Variants in MACROD2 observed in about 807,000 individuals in gnomAD.
MACROD2 encodes mono-ADP ribosylhydrolase 2.
A neutral mutation model predicts 70.4 loss-of-function variants in MACROD2; 36 were observed. That is an observed-to-expected ratio of 0.51 (90% CI 0.39 to 0.68). The LOEUF is 0.68. MACROD2 is among the 30% of genes least tolerant of loss of function. The pLI is 0.00. For missense variants in MACROD2, 496 were observed against 538.4 expected (o/e 0.92, Z 0.78); for synonymous variants, 172 against 178.8 (o/e 0.96, Z 0.30).
chr20:14,517,243 G>A (rs2085111641), intron 4 of MACROD2, among the ~76,000 whole-genome samples: 1 of 152,202 alleles, frequency 6.6e-6, no homozygotes, highest in African/African-American at 2.4e-5. Context: ...GCACACGTAT[G>A]TTTATTGCAG....
chr20:14,881,654 C>T (rs2073612191), intron 5 of MACROD2, among the ~76,000 whole-genome samples: 2 of 152,150 alleles, frequency 1.3e-5, no homozygotes, highest in African/African-American at 4.8e-5. Context: ...TTTGGCATCT[C>T]CTCAAGCTTG....
At chr20:15,975,467 A>G (rs1395717893) in intron 13 of MACROD2, among the ~76,000 whole-genome samples, 2 of 151,670 alleles carry the variant, frequency 1.3e-5, no homozygotes, top group Non-Finnish European at 2.9e-5. Context: ...TTTAATGGCA[A>G]AAAAAAAGTG....
chr20:14,198,386 C>G (rs1030624343), intron 3 of MACROD2, among the ~76,000 whole-genome samples: 11 of 152,116 alleles, frequency 7.2e-5, no homozygotes, highest in Non-Finnish European at 1.5e-4. Flanking sequence ...AATCTATGAG[C>G]CTTTGAAGCC....
intron 5 of MACROD2, among the ~76,000 whole-genome samples, chr20:15,061,393 C>T (rs1455691117): frequency 6.6e-6 from 1 of 152,162 alleles, no homozygotes; most frequent in African/African-American, 2.4e-5. Context: ...CAGTGGATAC[C>T]TACCCGAGTG....
intron 6 of MACROD2, among the ~76,000 whole-genome samples, chr20:15,312,028 AAAT>A (rs2077758411): frequency 6.6e-6 from 1 of 152,200 alleles, no homozygotes; most frequent in African/African-American, 2.4e-5. Flanking sequence ...CAAATAATCT[AAAT>A]AAACAAAAAA....
intron 5 of MACROD2, among the ~76,000 whole-genome samples, chr20:15,004,374 A>G (rs537168940): frequency 1.2e-4 from 19 of 152,338 alleles, no homozygotes; most frequent in African/African-American, 3.8e-4. Context: ...CAACTTCTAA[A>G]GGAAGTACTG....
chr20:14,387,982 CT>C, intron 3 of MACROD2, among the ~76,000 whole-genome samples: 1 of 148,684 alleles, frequency 6.7e-6, no homozygotes. Context: ...TTTCTTTCTA[CT>C]TTTTTTTATA....
intron 5 of MACROD2, among the ~76,000 whole-genome samples, chr20:14,883,546 T>G (rs948311598): frequency 1.3e-5 from 2 of 152,058 alleles, no homozygotes; most frequent in African/African-American, 4.8e-5. Flanking sequence ...CCATTCACAT[T>G]CCAGTTCTGA....
At chr20:14,230,655 A>ATAT (rs1569217393) in intron 3 of MACROD2, among the ~76,000 whole-genome samples, 6 of 38,046 alleles carry the variant, frequency 1.6e-4, no homozygotes, top group African/African-American at 6.2e-4. Context: ...ATATATATAT[A>ATAT]ACACAGGCTG....
chr20:15,478,332 G>A (rs1227174130), intron 7 of MACROD2, among the ~76,000 whole-genome samples: 4 of 152,164 alleles, frequency 2.6e-5, no homozygotes, highest in Non-Finnish European at 5.9e-5. Flanking sequence ...GTTCTGGCTT[G>A]TTCAAGCTGT....
chr20:15,949,176 TGTAATA>T (rs1206677071), intron 12 of MACROD2, among the ~76,000 whole-genome samples: 2 of 152,184 alleles, frequency 1.3e-5, no homozygotes, highest in Non-Finnish European at 2.9e-5. Context: ...AAAATGGAAT[TGTAATA>T]GTATTTATAT....
intron 8 of MACROD2, among the ~76,000 whole-genome samples, chr20:15,760,662 C>G (rs1212397402): frequency 2.0e-5 from 3 of 152,098 alleles, no homozygotes; most frequent in Admixed American, 6.6e-5. Flanking sequence ...ATAAAAGTAG[C>G]AATTTATGCT....
intron 5 of MACROD2, among the ~76,000 whole-genome samples, chr20:14,965,465 T>C (rs1405085643): frequency 4.6e-5 from 6 of 131,480 alleles, no homozygotes; most frequent in South Asian, 2.7e-4. Flanking sequence ...TTTTTTTTTT[T>C]TTTTTTTTTT....
intron 8 of MACROD2, among the ~76,000 whole-genome samples, chr20:15,792,958 A>G (rs1191932865): frequency 1.3e-5 from 2 of 152,200 alleles, no homozygotes; most frequent in Admixed American, 1.3e-4. Context: ...ACAACTGCTG[A>G]AAGGCTAAAT....
intron 8 of MACROD2, among the ~76,000 whole-genome samples, chr20:15,562,024 C>T (rs73100257): frequency 0.048 from 7,253 of 152,172 alleles, 235 homozygotes; most frequent in Non-Finnish European, 0.075. Flanking sequence ...CAGCCTCTCT[C>T]GTACCATTGG....
intron 5 of MACROD2, among the ~76,000 whole-genome samples, chr20:14,938,056 G>A (rs1600849692): frequency 8.0e-6 from 1 of 124,836 alleles, no homozygotes; most frequent in African/African-American, 2.9e-5. Context: ...ATGTTCAATT[G>A]CATACATATA....
In MACROD2 at chr20:15,958,379, C is replaced by T. The variant is rs142503497; in HGVS notation, c.908-9174C>T. Among the ~76,000 whole-genome samples the T allele has an allele frequency of 3.6e-3, 544 of 152,278 alleles. 2 individuals are homozygous for T. Among genetic ancestry groups the T allele is most frequent in the African/African-American group, 0.013 (523 of 41,566 alleles). On this transcript the variant is annotated intron_variant, in intron 12 of 17. Transcript: ENST00000684519. ...GCATTCTGATTAGCCAACACCCTAC[C>T]AGTTATTAAGTGTTTTGAATATCTC...
At chr20:15,017,232 A>G (rs1336598265) in intron 5 of MACROD2, among the ~76,000 whole-genome samples, 1 of 152,066 alleles carries the variant, frequency 6.6e-6, no homozygotes. Flanking sequence ...AACGGGAGAA[A>G]TTGGCCAAAA....
chr20:15,311,965 T>A (rs551625451), intron 6 of MACROD2, among the ~76,000 whole-genome samples: 132 of 151,538 alleles, frequency 8.7e-4, no homozygotes, highest in Middle Eastern at 6.8e-3. Flanking sequence ...AGTGAAATTT[T>A]AAAAAAAAAT....
Sources: allele counts gnomAD v4.1 joint callset (sites outside exome capture counted in the v4.1 genomes callset), GRCh38; gene constraint gnomAD v4.1.1; transcripts MANE v1.5; gene names NCBI Gene and HGNC (gene_info 2026-07-23, HGNC 2026-07-21).